The following PDE4D variants were observed in gnomAD, a reference collection of about 807,000 sequenced individuals.
The protein encoded by PDE4D is phosphodiesterase 4D.
Under a neutral mutation model 87.4 loss-of-function variants are expected in PDE4D, and 24 were observed. The observed-to-expected ratio is 0.27, with a 90% CI of 0.20 to 0.39. PDE4D has a LOEUF of 0.39. PDE4D is among the 10% of genes least tolerant of loss of function. The pLI is 1.00. For synonymous variants in PDE4D, 384 were observed against 383.2 expected, an observed-to-expected ratio of 1.00 and a Z score of -0.02; for missense variants, 714 against 1,041.0, an observed-to-expected ratio of 0.69 and a Z score of 4.32.
At chr5:60,445,487 T>A (rs78052545) in intron 1 of PDE4D, among the ~76,000 whole-genome samples, 1,798 of 152,236 alleles carry the variant, frequency 0.012, 42 homozygotes, top group African/African-American at 0.041. Context: ...AAATTCCAGA[T>A]GGATTAAGAT....
chr5:59,440,371 TC>T (rs1797423596), intron 1 of PDE4D, among the ~76,000 whole-genome samples: 1 of 152,208 alleles, frequency 6.6e-6, no homozygotes, highest in Non-Finnish European at 1.5e-5. Context: ...CTTTACTTAT[TC>T]CCATCCAAAA....
At chr5:59,196,873 C>T (rs963535719) in intron 2 of PDE4D, among the ~76,000 whole-genome samples, 1 of 152,162 alleles carries the variant, frequency 6.6e-6, no homozygotes, top group East Asian at 1.9e-4. Context: ...GACATGCCAC[C>T]TATGCCGACT....
intron 2 of PDE4D, among the ~76,000 whole-genome samples, chr5:60,156,581 A>C (rs1781995405): frequency 6.6e-6 from 1 of 152,224 alleles, no homozygotes; most frequent in South Asian, 2.1e-4. Context: ...AGTATAATAC[A>C]AAATCAGTTA....
At chr5:59,237,662 T>C (rs797001243) in intron 1 of PDE4D, among the ~76,000 whole-genome samples, 7 of 152,272 alleles carry the variant, frequency 4.6e-5, no homozygotes, top group African/African-American at 1.7e-4. Context: ...TGGTCTCTGG[T>C]CTATGCTTGC....
rs1582374324 is a variant in PDE4D, at chr5:60,048,764, G to C, written c.43-60047C>G. On this transcript the variant is annotated intron_variant, in intron 2 of 16. Transcript: ENST00000502484. ...TTAGTCTGATGGGCTTCCCTTTGAG[G>C]GTAACCCGACCTTTCTCTCTGGCTG... Among the ~76,000 whole-genome samples the C allele has an allele frequency of 2.0e-5, 3 of 152,054 alleles. No individual in the cohort carries two copies. In the South Asian group the frequency reaches 6.3e-4, roughly 32 times the overall value.
intron 2 of PDE4D, among the ~76,000 whole-genome samples, chr5:60,108,785 G>C (rs1345227151): frequency 6.6e-6 from 1 of 152,098 alleles, no homozygotes; most frequent in African/African-American, 2.4e-5. Flanking sequence ...AATAAATGGT[G>C]CTGGGAAAAC....
chr5:59,822,582 C>G (rs1769828717), intron 1 of PDE4D, among the ~76,000 whole-genome samples: 1 of 151,922 alleles, frequency 6.6e-6, no homozygotes, highest in Non-Finnish European at 1.5e-5. Context: ...ATATTTAATA[C>G]TTGTTCAAAT....
chr5:60,059,958 C>G (rs1013049164), intron 2 of PDE4D, among the ~76,000 whole-genome samples: 23 of 151,970 alleles, frequency 1.5e-4, no homozygotes, highest in African/African-American at 5.6e-4. Context: ...GCCCAATCAG[C>G]TTTTCATTCC....
At position 60,107,746 on chromosome 5, in the gene PDE4D, G is replaced by A. The variant is rs192244246; in HGVS notation, c.42+77811C>T. 5.5e-3 allele frequency among the ~76,000 whole-genome samples: 841 copies of A among 152,042 alleles called. 7 individuals are homozygous for A. The highest frequency in any genetic ancestry group is 0.019 in the African/African-American group (772 of 41,476). ...TGTAATCAAGCATATAAACAGAACC[G>A]AAGACAAAAACCACATGATTATCTC... On this transcript the variant is annotated intron_variant, in intron 2 of 16. Coordinates refer to the PDE4D transcript ENST00000502484.
chr5:59,235,324 G>A (rs1469219457), intron 1 of PDE4D, among the ~76,000 whole-genome samples: 1 of 152,144 alleles, frequency 6.6e-6, no homozygotes, highest in African/African-American at 2.4e-5. Flanking sequence ...TTTTCCTCCT[G>A]TGCTTCTTAT....
intron 1 of PDE4D, among the ~76,000 whole-genome samples, chr5:60,504,198 A>G (rs1750221956): frequency 6.6e-6 from 1 of 152,090 alleles, no homozygotes; most frequent in Non-Finnish European, 1.5e-5. Context: ...TTTCCCATTT[A>G]TGTTTTGAAT....
intron 1 of PDE4D, chr5:60,521,587 G>C (rs1434052776): frequency 6.6e-6 from 1 of 152,016 alleles, no homozygotes; most frequent in Non-Finnish European, 1.5e-5. Flanking sequence ...CTGTCAAAGG[G>C]GGATAACAAT....
chr5:58,991,803 T>C (rs758881307), intron 8 of PDE4D, 29 bp downstream of exon 8: 13 of 1,371,392 alleles, frequency 9.5e-6, no homozygotes, highest in Non-Finnish European at 1.3e-5. Flanking sequence ...ATTTAATATT[T>C]ATGATCCTGA....
chr5:59,075,804 AACTT>A (rs1170707629), intron 5 of PDE4D, among the ~76,000 whole-genome samples: 11 of 152,146 alleles, frequency 7.2e-5, no homozygotes, highest in Admixed American at 1.3e-4. Flanking sequence ...TATTCCTTAT[AACTT>A]ACTTATTAAT....
intron 1 of PDE4D, among the ~76,000 whole-genome samples, chr5:60,476,583 C>T (rs1439985241): frequency 6.6e-6 from 1 of 152,220 alleles, no homozygotes; most frequent in African/African-American, 2.4e-5. Flanking sequence ...CTGTTGTCTA[C>T]AAAGGCCTTG....
intron 1 of PDE4D, among the ~76,000 whole-genome samples, chr5:59,433,280 CCAGAGTTTTCTTAG>C (rs1796366815): frequency 6.6e-6 from 1 of 152,034 alleles, no homozygotes; most frequent in Non-Finnish European, 1.5e-5. Context: ...GGGTAAAATT[CCAGAGTTTTCTTAG>C]CAGGGGCATT....
At chr5:59,901,923 A>ACACAC (rs1752304678) in intron 3 of PDE4D, among the ~76,000 whole-genome samples, 1 of 134,262 alleles carries the variant, frequency 7.4e-6, no homozygotes. Flanking sequence ...CTTACATGCA[A>ACACAC]ACACACACAC....
At chr5:59,310,584 C>A (rs1053144336) in intron 1 of PDE4D, among the ~76,000 whole-genome samples, 1 of 152,140 alleles carries the variant, frequency 6.6e-6, no homozygotes, top group Non-Finnish European at 1.5e-5. Context: ...TGTGGTCTCT[C>A]ATCCCAAACT....
At chr5:60,126,201 TAAA>T (rs35748948) in intron 2 of PDE4D, among the ~76,000 whole-genome samples, 1 of 133,104 alleles carries the variant, frequency 7.5e-6, no homozygotes, top group African/African-American at 2.8e-5. Context: ...AGAGTTTTGC[TAAA>T]AAAAAAAAAA....
Sources: allele counts gnomAD v4.1 joint callset (sites outside exome capture counted in the v4.1 genomes callset), GRCh38; gene constraint gnomAD v4.1.1; transcripts MANE v1.5; gene names NCBI Gene and HGNC (gene_info 2026-07-23, HGNC 2026-07-21).